The following ZNF136 variants were observed in gnomAD, a reference collection of about 807,000 sequenced individuals.
ZNF136 encodes the protein zinc finger protein 136 (clone pHZ-20).
In ZNF136, 8 loss-of-function variants were observed where a neutral mutation model predicts 11.4. The ratio of observed to expected loss-of-function variants is 0.70; its 90% CI spans 0.41 to 1.27. The LOEUF (loss-of-function observed/expected upper bound fraction) is 1.27, where lower values mean the gene tolerates loss of function less well. Among genes scored for constraint, ZNF136 ranks in the 50% most tolerant of loss-of-function variants. ZNF136 has a pLI of 0.01. For missense variants in ZNF136, 590 were observed against 656.5 expected, an observed-to-expected ratio of 0.90 and a Z score of 1.11; for synonymous variants, 190 against 207.1, an observed-to-expected ratio of 0.92 and a Z score of 0.71.
chr19:12,163,417 C>A (rs572782111), intron 1 of ZNF136, among the ~76,000 whole-genome samples: 5 of 152,350 alleles, frequency 3.3e-5, no homozygotes, highest in African/African-American at 1.2e-4. Context: ...CGCCCTGTGC[C>A]GCGATTGCGG....
chr19:12,163,187 C>T lies in ZNF136; in HGVS notation c.-17C>T. On this transcript the variant is annotated 5_prime_UTR_variant, in exon 1 of 4. Transcript: ENST00000343979. ...GGGATCCGGAGGGAGGAAGCTGGGA[C>T]ACCCGGGAGTCAGGAAATGGTGAGT... 1 of 1,401,464 alleles carries T rather than the reference C, an allele frequency of 7.1e-7. No individual in the cohort carries two copies. The highest frequency in any genetic ancestry group is 2.7e-5 in the East Asian group (1 of 36,548). The allele number at this position is 1,401,464 out of a possible 1,614,324, so 86.8% of individuals were successfully genotyped here.
chr19:12,175,985 C>T (rs1035029374), intron 1 of ZNF136, among the ~76,000 whole-genome samples: 5 of 152,150 alleles, frequency 3.3e-5, no homozygotes, highest in African/African-American at 1.2e-4. Context: ...AAGTAATACG[C>T]ATTTAAGGTT....
intron 1 of ZNF136, among the ~76,000 whole-genome samples, chr19:12,171,582 A>G (rs954054948): frequency 1.3e-5 from 2 of 151,750 alleles, no homozygotes; most frequent in African/African-American, 4.8e-5. Context: ...TCTTTTTTTA[A>G]CTTACTCTGT....
At position 12,186,603 on chromosome 19, in the gene ZNF136, G is replaced by T. The variant is rs756979966; in HGVS notation, c.225G>T (p.Lys75Asn). The change falls in exon 4 of 4, where the codon AAG (lysine) becomes AAT (asparagine). Residue 75 changes from lysine to asparagine, a missense_variant. Transcript: ENST00000343979. Reference sequence around the variant, plus strand: ...TGTTAGAAAGACTCTATCAAACTAAGGATGGTAGTCAGCGTGGAGGAATTT... The same window carrying T: ...TGTTAGAAAGACTCTATCAAACTAATGATGGTAGTCAGCGTGGAGGAATTT... ...SHMLERLYQT[K>N]DGSQRGGIFS... 4.3e-6 allele frequency: 7 copies of T among 1,613,858 alleles called. No homozygotes were observed. Among genetic ancestry groups the T allele is most frequent in the Middle Eastern group, 1.6e-4 (1 of 6,062 alleles).
Position 12,187,583 on chromosome 19 carries a change from A to G in ZNF136, c.1205A>G (p.His402Arg). Residue 402 changes from histidine to arginine, a missense_variant, in exon 4 of 4, where the codon CAT becomes CGT. By Grantham distance (29) the His-to-Arg change is conservative. Transcript: ENST00000343979. ...YKCKVCGKPF[H>R]SLSPFRIHER... ...TGTAAGGTATGTGGGAAACCCTTTC[A>G]TTCTCTGAGTCCATTTCGAATACAT... The G allele has an allele frequency of 1.9e-6, 3 of 1,614,050 alleles. 1 individual carries two copies. The highest frequency in any genetic ancestry group is 2.7e-5 in the African/African-American group (2 of 75,000).
chr19:12,186,245 C>A, intron 3 of ZNF136, 71 bp downstream of exon 3: 1 of 1,436,424 alleles, frequency 7.0e-7, no homozygotes, highest in Non-Finnish European at 9.5e-7. Flanking sequence ...TAAAAACAGG[C>A]AAACATAACT....
intron 1 of ZNF136, among the ~76,000 whole-genome samples, chr19:12,183,288 G>T (rs1247055121): frequency 6.6e-6 from 1 of 151,804 alleles, no homozygotes; most frequent in African/African-American, 2.4e-5. Context: ...AGAACCATAG[G>T]TGCAGGCTAC....
At chr19:12,168,057 C>CTTT (rs386388563) in intron 1 of ZNF136, among the ~76,000 whole-genome samples, 2,302 of 70,916 alleles carry the variant, frequency 0.032, 313 homozygotes, top group Non-Finnish European at 0.039. Flanking sequence ...TTTTCTTTTT[C>CTTT]TTTTTTTTTT....
At position 12,177,287 on chromosome 19, in the gene ZNF136, T is replaced by C. The variant is rs10424342; in HGVS notation, c.4-8498T>C. ...TTCTATTAATATTGTGATTTTCAAA[T>C]GTGAAAACAGTGTTGCTTTTCTGGG... On this transcript the variant is annotated intron_variant, in intron 1 of 3. Transcript: ENST00000343979. 7.4e-3 allele frequency among the ~76,000 whole-genome samples: 1,124 copies of C among 152,386 alleles called. 8 individuals carry two copies. Among genetic ancestry groups the C allele is most frequent in the African/African-American group, 0.026 (1,076 of 41,594 alleles).
At chr19:12,178,452 A>T (rs1914852652) in intron 1 of ZNF136, among the ~76,000 whole-genome samples, 1 of 152,152 alleles carries the variant, frequency 6.6e-6, no homozygotes, top group Non-Finnish European at 1.5e-5. Flanking sequence ...CCTATTATTC[A>T]CAGCTGAATC....
intron 1 of ZNF136, among the ~76,000 whole-genome samples, chr19:12,182,139 G>A (rs1054454980): frequency 5.9e-5 from 9 of 152,184 alleles, no homozygotes; most frequent in Non-Finnish European, 1.3e-4. Context: ...TTTGCAGAAG[G>A]CAGTGGATGA....
At chr19:12,173,765 G>A (rs1296475435) in intron 1 of ZNF136, among the ~76,000 whole-genome samples, 2 of 152,194 alleles carry the variant, frequency 1.3e-5, no homozygotes, top group Non-Finnish European at 2.9e-5. Flanking sequence ...TCTTGCCACT[G>A]CTGTCGGATG....
In ZNF136 at chr19:12,188,549, T is replaced by C. The variant is rs558629655; in HGVS notation, c.*548T>C. On this transcript the variant is annotated 3_prime_UTR_variant, in exon 4 of 4. Transcript: ENST00000343979. ...GTTTTCCATTATACTTTTAAAGTCA[T>C]TTGAGGGCTCTGGCTCTGTGGCTTT... The C allele has an allele frequency of 3.3e-5, 5 of 152,388 alleles. No homozygotes were observed. In the East Asian group the frequency reaches 9.6e-4, roughly 29 times the overall value. 9.4% of individuals were successfully genotyped at this position (152,388 alleles called of 1,614,324 possible). A position where few individuals can be genotyped will look rare whatever the true frequency, so the allele number is the denominator to read the frequency against.
At chr19:12,165,476 GGAAA>G (rs1157632738) in intron 1 of ZNF136, among the ~76,000 whole-genome samples, 1 of 152,150 alleles carries the variant, frequency 6.6e-6, no homozygotes. Flanking sequence ...GATTTCAGGG[GGAAA>G]GAGATTAGTC....
chr19:12,169,754 C>T lies in ZNF136; in HGVS notation c.3+6548C>T, dbSNP rs573856535. On this transcript the variant is annotated intron_variant, in intron 1 of 3. Coordinates refer to ENST00000343979, the MANE Select transcript of ZNF136 (RefSeq NM_003437.5). ...CTACCGAGTAGCTGGGACTTACAGG[C>T]GCCCGCCACCACACCCGGCTAATTT... Among the ~76,000 whole-genome samples the T allele has an allele frequency of 4.6e-5, 7 of 151,290 alleles. No homozygotes were observed. The South Asian group carries it at 6.3e-4, about 14-fold the overall frequency.
intron 1 of ZNF136, among the ~76,000 whole-genome samples, chr19:12,184,275 A>AG (rs1013285522): frequency 6.6e-6 from 1 of 151,250 alleles, no homozygotes; most frequent in Non-Finnish European, 1.5e-5. Context: ...AAAAAAAAAA[A>AG]GAGGGCTGGG....
chr19:12,172,410 TG>T (rs1196361116), intron 1 of ZNF136, among the ~76,000 whole-genome samples: 1 of 152,192 alleles, frequency 6.6e-6, no homozygotes, highest in Non-Finnish European at 1.5e-5. Flanking sequence ...TTGGAGGGCC[TG>T]ATGCCTAGAT....
At chr19:12,184,671 G>A (rs1323279435) in intron 1 of ZNF136, 1 of 151,866 alleles carries the variant, frequency 6.6e-6, no homozygotes, top group Non-Finnish European at 1.5e-5. Flanking sequence ...TATAATAACA[G>A]AAGATGGGCT....
intron 1 of ZNF136, among the ~76,000 whole-genome samples, chr19:12,166,788 G>C (rs1459711354): frequency 1.3e-5 from 2 of 152,130 alleles, no homozygotes; most frequent in Non-Finnish European, 2.9e-5. Context: ...GATTGATTTT[G>C]CTGGATTCAT....
Sources: allele counts gnomAD v4.1 joint callset (sites outside exome capture counted in the v4.1 genomes callset), GRCh38; gene constraint gnomAD v4.1.1; transcripts MANE v1.5; gene names NCBI Gene and HGNC (gene_info 2026-07-23, HGNC 2026-07-21).